The following CDH12 variants were observed in gnomAD, a reference collection of about 807,000 sequenced individuals.
CDH12 encodes cadherin-12.
CDH12 carries 41 observed loss-of-function variants against 74.1 expected under a neutral mutation model. The ratio of observed to expected loss-of-function variants is 0.55; its 90% CI spans 0.43 to 0.72. CDH12 has a LOEUF of 0.72. Ranked by LOEUF, CDH12 falls within the 30% of genes least tolerant of loss-of-function variation. The probability of loss-of-function intolerance (pLI) is 0.00; values close to 1 mark genes in which losing one functional copy is unlikely to be tolerated. For missense variants in CDH12, 945 were observed against 977.2 expected (o/e 0.97, Z 0.44); for synonymous variants, 399 against 355.0 (o/e 1.12, Z -1.39).
intron 1 of CDH12, among the ~76,000 whole-genome samples, chr5:22,778,827 C>G (rs982462130): frequency 4.9e-4 from 74 of 151,808 alleles, no homozygotes; most frequent in African/African-American, 1.7e-3. Flanking sequence ...CTTAAGAGTA[C>G]ATTCCTAAAT....
intron 4 of CDH12, among the ~76,000 whole-genome samples, chr5:22,092,665 CT>C (rs1743504096): frequency 6.6e-6 from 1 of 151,948 alleles, no homozygotes; most frequent in African/African-American, 2.4e-5. Context: ...AATGGTGGAG[CT>C]TTTTTGGATA....
At chr5:21,820,063 G>C (rs1748280049) in intron 8 of CDH12, among the ~76,000 whole-genome samples, 1 of 151,942 alleles carries the variant, frequency 6.6e-6, no homozygotes, top group African/African-American at 2.4e-5. Flanking sequence ...GAAGAGTTTA[G>C]CCAGAGTTGA....
intron 8 of CDH12, among the ~76,000 whole-genome samples, chr5:21,820,084 T>C (rs897680696): frequency 1.3e-5 from 2 of 151,716 alleles, no homozygotes; most frequent in Non-Finnish European, 2.9e-5. Flanking sequence ...GATCCTCCAA[T>C]ATGGGGGAAA....
At chr5:22,689,851 A>T (rs1394582504) in intron 1 of CDH12, among the ~76,000 whole-genome samples, 2 of 152,094 alleles carry the variant, frequency 1.3e-5, no homozygotes, top group African/African-American at 4.8e-5. Flanking sequence ...GAGTGGACAA[A>T]GTCATGGGTA....
chr5:22,618,229 G>A (rs1737787718), intron 1 of CDH12, among the ~76,000 whole-genome samples: 1 of 152,098 alleles, frequency 6.6e-6, no homozygotes, highest in Non-Finnish European at 1.5e-5. Flanking sequence ...AATCCACTGT[G>A]AGATACAGCA....
chr5:22,341,017 T>A (rs1174472456), intron 3 of CDH12, among the ~76,000 whole-genome samples: 1 of 152,218 alleles, frequency 6.6e-6, no homozygotes, highest in Admixed American at 6.5e-5. Flanking sequence ...CAGCATGTCA[T>A]CTGGTTTACA....
chr5:22,124,115 C>T (rs189516307), intron 4 of CDH12, among the ~76,000 whole-genome samples: 173 of 151,428 alleles, frequency 1.1e-3, no homozygotes, highest in Non-Finnish European at 1.4e-3. Context: ...TTACAGCGCG[C>T]GCCAACACTC....
intron 5 of CDH12, among the ~76,000 whole-genome samples, chr5:22,053,447 G>T (rs112804442): frequency 6.6e-6 from 1 of 151,958 alleles, no homozygotes; most frequent in Non-Finnish European, 1.5e-5. Context: ...TGCTTTATGT[G>T]CCAGGAAGCA....
At chr5:22,304,822 T>C (rs1738033702) in intron 3 of CDH12, among the ~76,000 whole-genome samples, 1 of 152,162 alleles carries the variant, frequency 6.6e-6, no homozygotes, top group African/African-American at 2.4e-5. Flanking sequence ...TGGGACACCT[T>C]GTCAGTTATG....
At chr5:22,631,222 T>C (rs1344861035) in intron 1 of CDH12, among the ~76,000 whole-genome samples, 1 of 152,172 alleles carries the variant, frequency 6.6e-6, no homozygotes, top group African/African-American at 2.4e-5. Context: ...TGGAAAGCAG[T>C]TTGGCAACTC....
intron 1 of CDH12, among the ~76,000 whole-genome samples, chr5:22,647,865 T>A (rs1317412058): frequency 6.6e-6 from 1 of 151,922 alleles, no homozygotes; most frequent in African/African-American, 2.4e-5. Context: ...TGAACTCACA[T>A]TTCCATGGAA....
At chr5:21,946,297 A>G (rs1281219067) in intron 6 of CDH12, among the ~76,000 whole-genome samples, 1 of 152,180 alleles carries the variant, frequency 6.6e-6, no homozygotes, top group African/African-American at 2.4e-5. Flanking sequence ...TAAAAGAAGA[A>G]GGTTTTCAGC....
chr5:21,767,089 T>C (rs1357003098), intron 11 of CDH12, among the ~76,000 whole-genome samples: 2 of 151,922 alleles, frequency 1.3e-5, no homozygotes, highest in East Asian at 3.9e-4. Context: ...TTATAAAGTT[T>C]AGTAAATGAA....
chr5:22,555,730 GATTT>G (rs547082057), intron 1 of CDH12, among the ~76,000 whole-genome samples: 1 of 151,924 alleles, frequency 6.6e-6, no homozygotes, highest in Non-Finnish European at 1.5e-5. Flanking sequence ...CTTCCTTAAG[GATTT>G]ATTTATTTCC....
chr5:22,353,830 TAC>T (rs1740454644), intron 3 of CDH12, among the ~76,000 whole-genome samples: 2 of 152,180 alleles, frequency 1.3e-5, no homozygotes, highest in Admixed American at 1.3e-4. Context: ...GCGTTTAAAC[TAC>T]AGATATTTCT....
chr5:22,151,465 T>G (rs1401198111), intron 4 of CDH12, among the ~76,000 whole-genome samples: 2 of 152,166 alleles, frequency 1.3e-5, no homozygotes, highest in Non-Finnish European at 2.9e-5. Context: ...GATAAATATC[T>G]TATCAGTTTT....
At chr5:22,834,044 T>C (rs896285462) in intron 1 of CDH12, among the ~76,000 whole-genome samples, 5 of 152,188 alleles carry the variant, frequency 3.3e-5, no homozygotes, top group African/African-American at 1.2e-4. Context: ...TCAGATGTTT[T>C]AGTGAATAAT....
chr5:22,576,516 A>C (rs535266748), intron 1 of CDH12, among the ~76,000 whole-genome samples: 1 of 152,324 alleles, frequency 6.6e-6, no homozygotes, highest in Admixed American at 6.5e-5. Context: ...ACAAGTTAAA[A>C]GGCAATTACT....
chr5:22,119,285 GTTTTT>G (rs397996987), intron 4 of CDH12, among the ~76,000 whole-genome samples: 4 of 99,034 alleles, frequency 4.0e-5, no homozygotes, highest in East Asian at 3.0e-4. Context: ...CTTCTACTTC[GTTTTT>G]TTTTTTTTTT....
Sources: gnomAD v4.1 joint callset for allele counts (sites outside exome capture counted in the v4.1 genomes callset) on GRCh38, gnomAD v4.1.1 for gene constraint, MANE v1.5 for transcripts, NCBI Gene and HGNC (gene_info 2026-07-23, HGNC 2026-07-21) for gene names.